The following ATP13A4 variants were observed in gnomAD, a reference collection of about 807,000 sequenced individuals.
ATP13A4 encodes the protein ATPase 13A4.
A neutral mutation model predicts 142.5 loss-of-function variants in ATP13A4; 114 were observed. The ratio of observed to expected loss-of-function variants is 0.80; its 90% CI spans 0.69 to 0.93. The LOEUF (loss-of-function observed/expected upper bound fraction) is 0.93, where lower values mean the gene tolerates loss of function less well. ATP13A4 is among the 40% of genes least tolerant of loss of function. ATP13A4 has a pLI of 0.00. For missense variants in ATP13A4, 1,392 were observed against 1,454.0 expected (o/e 0.96, Z 0.69); for synonymous variants, 488 against 514.8 (o/e 0.95, Z 0.70).
At chr3:193,501,757 T>C (rs1720556362) in intron 3 of ATP13A4, among the ~76,000 whole-genome samples, 1 of 152,136 alleles carries the variant, frequency 6.6e-6, no homozygotes, top group South Asian at 2.1e-4. Flanking sequence ...TAAAATGTTT[T>C]TAATATGAAT....
intron 1 of ATP13A4, among the ~76,000 whole-genome samples, chr3:193,546,759 A>T (rs759229449): frequency 6.6e-6 from 1 of 152,248 alleles, no homozygotes; most frequent in Non-Finnish European, 1.5e-5. Context: ...TAAGGCAAGG[A>T]CTTAAGCCAT....
At chr3:193,480,599 A>G (rs1719234302) in intron 8 of ATP13A4, among the ~76,000 whole-genome samples, 1 of 152,222 alleles carries the variant, frequency 6.6e-6, no homozygotes, top group African/African-American at 2.4e-5. Context: ...CTCCTGCAAG[A>G]ACGGCCATAA....
upstream of ATP13A4, among the ~76,000 whole-genome samples, chr3:193,556,086 G>A (rs1029961525): frequency 1.3e-5 from 2 of 152,178 alleles, no homozygotes; most frequent in African/African-American, 4.8e-5. Context: ...TTCAAATTTG[G>A]ACTGTACTAG....
chr3:193,452,995 T>TC (rs1436311365), intron 17 of ATP13A4, among the ~76,000 whole-genome samples: 1 of 152,104 alleles, frequency 6.6e-6, no homozygotes, highest in Non-Finnish European at 1.5e-5. Flanking sequence ...CACTTCACAG[T>TC]CACCTTACTG....
rs112780214 is a variant in ATP13A4 at position 193,493,541 on chromosome 3, C to T, written c.382-381G>A. On this transcript the variant is annotated intron_variant, in intron 3 of 29. Coordinates refer to ENST00000342695, the MANE Select transcript of ATP13A4 (RefSeq NM_032279.4). Reference sequence around the variant, plus strand: ...AAATACGGTCTTGAAATGCTGTAGACGTAAAGAGAGAGAAGATGATGGAAG... The same window carrying T: ...AAATACGGTCTTGAAATGCTGTAGATGTAAAGAGAGAGAAGATGATGGAAG... 3.8e-3 allele frequency among the ~76,000 whole-genome samples: 571 copies of T among 151,656 alleles called. 5 individuals are homozygous for T. Among genetic ancestry groups the T allele is most frequent in the African/African-American group, 0.013 (532 of 41,314 alleles).
At chr3:193,528,520 T>G (rs1405983636) in intron 1 of ATP13A4, among the ~76,000 whole-genome samples, 1 of 152,194 alleles carries the variant, frequency 6.6e-6, no homozygotes, top group East Asian at 1.9e-4. Flanking sequence ...ATGAATGATT[T>G]GATAAGAATG....
chr3:193,533,837 T>C (rs1297861377), intron 1 of ATP13A4, among the ~76,000 whole-genome samples: 6 of 152,162 alleles, frequency 3.9e-5, no homozygotes, highest in Admixed American at 6.6e-5. Flanking sequence ...GGGATTTTCA[T>C]CCCTACCAAA....
intron 1 of ATP13A4, among the ~76,000 whole-genome samples, chr3:193,531,468 C>T (rs1190560820): frequency 6.6e-6 from 1 of 152,046 alleles, no homozygotes; most frequent in Admixed American, 6.6e-5. Flanking sequence ...ATAGAATTCA[C>T]CTGGATCACT....
At chr3:193,502,718 T>C in intron 2 of ATP13A4, 79 bp from the exon 3 acceptor site, 1 of 1,403,750 alleles carries the variant, frequency 7.1e-7, no homozygotes, top group Middle Eastern at 1.8e-4. Flanking sequence ...AACATCATTT[T>C]AATATAATTC....
At chr3:193,454,412 G>C (rs139704321) in intron 16 of ATP13A4, among the ~76,000 whole-genome samples, 200 bp from the exon 17 acceptor site, 1 of 152,260 alleles carries the variant, frequency 6.6e-6, no homozygotes, top group East Asian at 1.9e-4. Context: ...AAATGAGAAG[G>C]AAGCATTTGA....
At chr3:193,525,122 G>A (rs1359581877) in intron 1 of ATP13A4, among the ~76,000 whole-genome samples, 2 of 152,216 alleles carry the variant, frequency 1.3e-5, no homozygotes, top group Admixed American at 1.3e-4. Context: ...TTTTTTGAGT[G>A]AATGAATGGC....
At chr3:193,582,738 A>G (rs1296871651) in intron 1 of ATP13A4, among the ~76,000 whole-genome samples, 2 of 61,278 alleles carry the variant, frequency 3.3e-5, no homozygotes, top group Admixed American at 2.1e-4. Context: ...TAAAATATAT[A>G]TGTATAATAC....
At chr3:193,404,778 T>C (rs558707480) in intron 29 of ATP13A4, among the ~76,000 whole-genome samples, 4 of 152,160 alleles carry the variant, frequency 2.6e-5, no homozygotes, top group Non-Finnish European at 5.9e-5. Context: ...TTACCCCGTT[T>C]CAGGTATTTG....
upstream of ATP13A4, among the ~76,000 whole-genome samples, chr3:193,559,178 G>GT (rs1283000011): frequency 6.6e-6 from 1 of 152,142 alleles, no homozygotes; most frequent in African/African-American, 2.4e-5. Context: ...TACAAATATT[G>GT]TTTTTTGCAA....
chr3:193,439,346 C>T (rs1716486896), intron 21 of ATP13A4, among the ~76,000 whole-genome samples: 2 of 152,098 alleles, frequency 1.3e-5, no homozygotes, highest in South Asian at 2.1e-4. Flanking sequence ...GCTCACAATT[C>T]TATGATGTAA....
At chr3:193,582,784 A>C (rs1248993380) in intron 1 of ATP13A4, among the ~76,000 whole-genome samples, 1 of 44,772 alleles carries the variant, frequency 2.2e-5, no homozygotes, top group Non-Finnish European at 3.5e-5. Context: ...CATATATAAA[A>C]TATATATGTA....
Position 193,439,496 on chromosome 3 carries a change from C to T in ATP13A4, c.2520-431G>A, listed in dbSNP as rs200700377. Among the ~76,000 whole-genome samples, 4 of 152,224 alleles carry T rather than the reference C, an allele frequency of 2.6e-5. No homozygotes were observed. The East Asian group carries it at 7.7e-4, about 29-fold the overall frequency. On this transcript the variant is annotated intron_variant, in intron 21 of 29. Coordinates refer to ENST00000342695, the MANE Select transcript of ATP13A4 (RefSeq NM_032279.4). ...AGGGCTATGAGTATTAAATGAGGTG[C>T]TGTATGGGAAAGTACTTATAAAGTC...
intron 1 of ATP13A4, among the ~76,000 whole-genome samples, chr3:193,538,976 C>T (rs940218939): frequency 5.4e-5 from 8 of 147,930 alleles, no homozygotes; most frequent in East Asian, 2.0e-4. Context: ...CAGGTTCAAG[C>T]GATTCTCCTG....
chr3:193,560,284 C>T (rs1368548881), intron 2 of ATP13A4, among the ~76,000 whole-genome samples: 1 of 151,916 alleles, frequency 6.6e-6, no homozygotes, highest in Non-Finnish European at 1.5e-5. Context: ...TCATGGTTCA[C>T]TGCACCCTCA....
Sources: allele counts gnomAD v4.1 joint callset (sites outside exome capture counted in the v4.1 genomes callset), GRCh38; gene constraint gnomAD v4.1.1; transcripts MANE v1.5; gene names NCBI Gene and HGNC (gene_info 2026-07-23, HGNC 2026-07-21).